Variants in SLC15A3 observed in about 807,000 individuals in gnomAD.
SLC15A3 encodes the protein solute carrier family 15 member 3.
A neutral mutation model predicts 49.2 loss-of-function variants in SLC15A3; 39 were observed. The ratio of observed to expected loss-of-function variants is 0.79; its 90% CI spans 0.61 to 1.04. The LOEUF (loss-of-function observed/expected upper bound fraction) is 1.04. Ranked by LOEUF, SLC15A3 falls within the 50% of genes least tolerant of loss-of-function variation. The pLI is 0.00. For synonymous variants in SLC15A3, 339 were observed against 367.0 expected (o/e 0.92, Z 0.87); for missense variants, 758 against 794.8 (o/e 0.95, Z 0.56).
At chr11:60,946,860 G>A (rs1210788585) in intron 1 of SLC15A3, 39 bp from the exon 2 acceptor site, 2 of 1,577,438 alleles carry the variant, frequency 1.3e-6, no homozygotes, top group Non-Finnish European at 1.7e-6. Context: ...GGCCAAAGGG[G>A]TCCGGGGCAC....
chr11:60,946,819 C>T lies in SLC15A3; in HGVS notation c.561G>A (p.Val187=), dbSNP rs757747133. The T allele has an allele frequency of 3.4e-5, 55 of 1,607,154 alleles. No homozygotes were observed. In the South Asian group the frequency reaches 5.4e-4, roughly 16 times the overall value. Residue 187 remains valine, a splice_region_variant and synonymous_variant, in exon 2 of 8, where the codon GTG becomes GTA. Transcript: ENST00000227880. ...GGGTGGCGTCGCGGCCGAGATCCAT[C>T]ACCTGCCATTCAGGAAGGGGTGACA... ...SNLTSFGADQ[V]MDLGRDATRR... is the part of the protein sequence containing the mutation.
intron 1 of SLC15A3, chr11:60,947,714 G>A (rs1266825474): frequency 6.6e-6 from 1 of 152,106 alleles, no homozygotes; most frequent in African/African-American, 2.4e-5. Context: ...GTTCTGGCCT[G>A]GTGAAAAAAA....
rs1424973779 is a variant in SLC15A3 at position 60,951,784 on chromosome 11, C to T, written c.-233G>A. On this transcript the variant is annotated 5_prime_UTR_variant, in exon 1 of 8. Transcript: ENST00000227880. ...ACCACCTCCTCCCTAATTCTCAACTCCCCTCTCCCTTCCCCCACCCCTAAG... is the reference window on the plus strand; with the variant it reads ...ACCACCTCCTCCCTAATTCTCAACTTCCCTCTCCCTTCCCCCACCCCTAAG... The T allele has an allele frequency of 5.0e-6, 1 of 198,094 alleles. No homozygotes were observed. Among genetic ancestry groups the T allele is most frequent in the East Asian group, 1.2e-4 (1 of 8,664 alleles). The allele number at this position is 198,094 out of a possible 1,614,324, so 12.3% of individuals were successfully genotyped here. A position where few individuals can be genotyped will look rare whatever the true frequency, so the allele number is the denominator to read the frequency against.
intron 7 of SLC15A3, 140 bp from the exon 8 acceptor site, chr11:60,937,513 C>A: frequency 9.0e-7 from 1 of 1,108,980 alleles, no homozygotes; most frequent in Non-Finnish European, 1.3e-6. Flanking sequence ...GACAGATACC[C>A]ACTAATGTTT....
rs866015673 is a variant in SLC15A3, at chr11:60,951,118, G to A, written c.434C>T (p.Ser145Leu). Residue 145 changes from serine (S) to leucine (L), a missense_variant, in exon 1 of 8, where the codon TCG becomes TTG. Physicochemically the swap from Ser to Leu is moderately radical, Grantham distance 145. Transcript: ENST00000227880. ...GGGCGAGGAGCGCGGGCAGCCGGCC[G>A]AGGGGCAGGCAGGTCCCAGCGGCGA... ...PASPLGPACP[S>L]AGCPRSSPSP... 4 of 1,480,384 alleles carry A rather than the reference G, an allele frequency of 2.7e-6. No individual in the cohort carries two copies. The highest frequency in any genetic ancestry group is 2.7e-6 in the Non-Finnish European group (3 of 1,125,120). The allele number at this position is 1,480,384 out of a possible 1,614,324, so 91.7% of individuals were successfully genotyped here.
chr11:60,950,904 G>C (rs1189926347), intron 1 of SLC15A3, 90 bp downstream of exon 1: 3 of 1,288,846 alleles, frequency 2.3e-6, no homozygotes, highest in Non-Finnish European at 3.0e-6. Flanking sequence ...GCAGGCAGGG[G>C]ACCTGGTTTG....
At chr11:60,947,143 A>G (rs1856816052) in intron 1 of SLC15A3, among the ~76,000 whole-genome samples, 1 of 151,454 alleles carries the variant, frequency 6.6e-6, no homozygotes, top group Non-Finnish European at 1.5e-5. Flanking sequence ...TTTCTGGTTG[A>G]TTTATCCCTT....
At position 60,943,781 on chromosome 11, in the gene SLC15A3, AAG is replaced by A; in HGVS notation, c.902_903del (p.Ala301ValfsTer171). On this transcript the variant is annotated frameshift_variant, in exon 3 of 8. Transcript: ENST00000227880. LOFTEE classifies it high-confidence loss of function. ...LADERSPQPG[A>X]SPQEDIANFQ... Reference sequence around the variant, plus strand: ...AAGTTGGCGATGTCCTCTTGCGGGGAAGCCCCTGGCTGGGGAGACCTCTCGTC... The same window carrying A: ...AAGTTGGCGATGTCCTCTTGCGGGGACCCCTGGCTGGGGAGACCTCTCGTC... 1 of 1,603,454 alleles carries A rather than the reference AAG, an allele frequency of 6.2e-7. No individual in the cohort carries two copies. Among genetic ancestry groups the A allele is most frequent in the Admixed American group, 1.7e-5 (1 of 58,782 alleles).
rs772691702 is a variant in SLC15A3 at position 60,952,134 on chromosome 11, C to A, written c.-583G>T. 7.2e-5 allele frequency among the ~76,000 whole-genome samples: 11 copies of A among 152,002 alleles called. No individual in the cohort carries two copies. Among genetic ancestry groups the A allele is most frequent in the Non-Finnish European group, 1.5e-4 (10 of 67,990 alleles). The stretch of plus-strand genomic sequence containing the variant: ...TCTCAGTCCCCTGCAGCCCTCCCCC[C>A]AGGCTCAGCCTCTGTCCCTCTCTCG... On this transcript the variant is annotated 5_prime_UTR_variant, in exon 1 of 8. Transcript: ENST00000227880.
At chr11:60,946,005 CTTTT>C (rs1156247208) in intron 2 of SLC15A3, among the ~76,000 whole-genome samples, 2 of 151,752 alleles carry the variant, frequency 1.3e-5, no homozygotes, top group African/African-American at 2.4e-5. Flanking sequence ...TTTCATTTTT[CTTTT>C]TTTATTTTTT....
Position 60,938,224 on chromosome 11 carries a change from G to T in SLC15A3, c.1436-199C>A. On this transcript the variant is annotated intron_variant, in intron 6 of 7. Transcript: ENST00000227880. Reference sequence around the variant, plus strand: ...CTCTGCCCTGCTCACCTGCCTCCTGGCTGAACCCCTGCACCGGGGTACTCC... The same window carrying T: ...CTCTGCCCTGCTCACCTGCCTCCTGTCTGAACCCCTGCACCGGGGTACTCC... 5 of 616,838 alleles carry T rather than the reference G, an allele frequency of 8.1e-6. 1 individual carries two copies. The highest frequency in any genetic ancestry group is 1.1e-5 in the Non-Finnish European group (4 of 366,838). The allele number at this position is 616,838 out of a possible 1,614,324, so 38.2% of individuals were successfully genotyped here. A position where few individuals can be genotyped will look rare whatever the true frequency, so the allele number is the denominator to read the frequency against.
chr11:60,939,536 C>G lies in SLC15A3; in HGVS notation c.1379G>C (p.Trp460Ser), dbSNP rs1430884100. The stretch of plus-strand genomic sequence containing the variant: ...AATGAGCAGGTACTGAGGGATCTGC[C>G]ACCAGATGGACAGTGGTGCCGCGTT... ...LYNAAPLSIW[W>S]QIPQYLLIGI... Residue 460 changes from tryptophan to serine, a missense_variant, in exon 6 of 8, where the codon TGG becomes TCG. Physicochemically the swap from Trp to Ser is radical, Grantham distance 177. Coordinates refer to ENST00000227880, the MANE Select transcript of SLC15A3 (RefSeq NM_016582.3). 2 of 1,614,160 alleles carry G rather than the reference C, an allele frequency of 1.2e-6. No individual in the cohort carries two copies. Among genetic ancestry groups the G allele is most frequent in the South Asian group, 1.1e-5 (1 of 91,086 alleles).
intron 7 of SLC15A3, 73 bp downstream of exon 7, chr11:60,937,797 C>T: frequency 6.4e-7 from 1 of 1,550,662 alleles, no homozygotes; most frequent in Non-Finnish European, 8.8e-7. Context: ...AGTCAAAGCA[C>T]TTTAGCAGTT....
At chr11:60,947,472 C>A (rs1233444635) in intron 1 of SLC15A3, among the ~76,000 whole-genome samples, 1 of 152,206 alleles carries the variant, frequency 6.6e-6, no homozygotes, top group East Asian at 1.9e-4. Flanking sequence ...AGCCATCGCG[C>A]CCGGCCTATT....
intron 7 of SLC15A3, 41 bp from the exon 8 acceptor site, chr11:60,937,414 C>A (rs1565125099): frequency 6.2e-7 from 1 of 1,612,004 alleles, no homozygotes. Context: ...GGACAGGGAT[C>A]CTCTGTCTTG....
chr11:60,948,872 G>A (rs985508382), intron 1 of SLC15A3, among the ~76,000 whole-genome samples: 3 of 152,190 alleles, frequency 2.0e-5, no homozygotes, highest in Non-Finnish European at 4.4e-5. Context: ...GGTACTAGAT[G>A]GGTGAGGCTC....
chr11:60,943,678 G>C lies in SLC15A3; in HGVS notation c.996+11C>G. On this transcript the variant is annotated intron_variant, in intron 3 of 7. Transcript: ENST00000227880. ...GCCAGGCCCCCAGAGAAAAAGGGCA[G>C]GTATGCTCACCTGGAAGTAGACCAT... The C allele has an allele frequency of 1.3e-6, 2 of 1,526,182 alleles. No individual in the cohort carries two copies. The highest frequency in any genetic ancestry group is 1.8e-6 in the Non-Finnish European group (2 of 1,130,786). 94.5% of individuals were successfully genotyped at this position (1,526,182 alleles called of 1,614,324 possible).
intron 1 of SLC15A3, among the ~76,000 whole-genome samples, chr11:60,949,448 AAGAG>A (rs766952740): frequency 2.1e-5 from 3 of 143,006 alleles, no homozygotes; most frequent in Admixed American, 7.1e-5. Flanking sequence ...GAAAGAAAGA[AAGAG>A]AAAGAAAGAG....
At chr11:60,937,682 G>T in intron 7 of SLC15A3, 188 bp downstream of exon 7, 3 of 760,858 alleles carry the variant, frequency 3.9e-6, no homozygotes, top group Non-Finnish European at 6.3e-6. Context: ...TTCAACACTT[G>T]GGGAAAGAAA....
Sources: allele counts gnomAD v4.1 joint callset (sites outside exome capture counted in the v4.1 genomes callset), GRCh38; gene constraint gnomAD v4.1.1; transcripts MANE v1.5; gene names NCBI Gene and HGNC (gene_info 2026-07-23, HGNC 2026-07-21).